The following PPP1R13L variants were observed in gnomAD, a reference collection of about 807,000 sequenced individuals.
PPP1R13L encodes the protein protein phosphatase 1 regulatory subunit 13 like, also known as relA-associated inhibitor.
Under a neutral mutation model 80.9 loss-of-function variants are expected in PPP1R13L, and 50 were observed. That is an observed-to-expected ratio of 0.62 (90% CI 0.49 to 0.78). The LOEUF (loss-of-function observed/expected upper bound fraction) is 0.78, where lower values mean the gene tolerates loss of function less well. PPP1R13L is among the 30% of genes least tolerant of loss of function. The pLI is 0.00. For missense variants in PPP1R13L, 1,200 were observed against 1,205.9 expected, an observed-to-expected ratio of 1.00 and a Z score of 0.07; for synonymous variants, 602 against 534.3, an observed-to-expected ratio of 1.13 and a Z score of -1.75.
rs34092653 is a variant in PPP1R13L, at chr19:45,396,509, C to A, written c.712+36G>T. The A allele has an allele frequency of 2.4e-3, 3,906 of 1,602,798 alleles. 86 individuals are homozygous for A. The African/African-American group carries it at 0.047, about 19-fold the overall frequency. On this transcript the variant is annotated intron_variant, in intron 4 of 12. Transcript: ENST00000360957. This position sits in a 1 kb window ranked among gnomAD's most constrained non-coding sequence, Gnocchi z 5.3. The stretch of plus-strand genomic sequence containing the variant: ...CCGGATCCTGCCCGCTTTGACCCCG[C>A]GAGTCAAAGGCCCCGCGAGGGGCCC...
At position 45,395,811 on chromosome 19, in the gene PPP1R13L, C is replaced by A. The variant is rs200076123; in HGVS notation, c.979G>T (p.Gly327Cys). The A allele has an allele frequency of 1.8e-4, 280 of 1,589,230 alleles. No homozygotes were observed. In the African/African-American group the frequency reaches 3.3e-3, roughly 19 times the overall value. Residue 327 changes from glycine to cysteine, a missense_variant, in exon 7 of 13, where the codon GGC becomes TGC. Physicochemically the swap from Gly to Cys is radical, Grantham distance 159 (BLOSUM62 -3). This residue lies in a region of PPP1R13L where 764 missense variants were observed against 714.5 expected (regional missense o/e 1.07). Transcript: ENST00000360957. ...GAGCCCAGCGAGCGCCGGTAGCTGC[C>A]CGCGTCTGAACGCCGGTCGCTGGCC... The part of the protein sequence containing the change: ...PLASDRRSDA[G>C]SYRRSLGSAG...
In PPP1R13L at chr19:45,396,636, AG is replaced by A; in HGVS notation, c.620del (p.Pro207LeufsTer17). 6.8e-7 allele frequency: 1 copy of A among 1,475,788 alleles called. No individual in the cohort carries two copies. The highest frequency in any genetic ancestry group is 1.4e-5 in the South Asian group (1 of 72,134). The allele number at this position is 1,475,788 out of a possible 1,614,324, so 91.4% of individuals were successfully genotyped here. A position where few individuals can be genotyped will look rare whatever the true frequency, so the allele number is the denominator to read the frequency against. On this transcript the variant is annotated frameshift_variant, in exon 4 of 13. Transcript: ENST00000360957. LOFTEE classifies it high-confidence loss of function. This position sits in a 1 kb window ranked among gnomAD's most constrained non-coding sequence, Gnocchi z 5.3. ...FPERGPSPRP[P>X]ATAYDAPASA... ...ACGCTGGCGCGTCGTAGGCTGTGGC[AG>A]GGGGGCGCGGTGACGGCCCACGCTC...
At chr19:45,382,777 G>A in intron 11 of PPP1R13L, 51 bp from the exon 12 acceptor site, 1 of 1,586,096 alleles carries the variant, frequency 6.3e-7, no homozygotes, top group Non-Finnish European at 8.6e-7. Flanking sequence ...GGGGGTCCAG[G>A]AACAGGGGCC....
At position 45,395,836 on chromosome 19, in the gene PPP1R13L, C is replaced by T. The variant is rs1973077023; in HGVS notation, c.954G>A (p.Leu318=). The T allele has an allele frequency of 3.8e-6, 6 of 1,597,418 alleles. No homozygotes were observed. Among genetic ancestry groups the T allele is most frequent in the African/African-American group, 1.3e-5 (1 of 74,720 alleles). Residue 318 remains leucine, a synonymous_variant, in exon 7 of 13, where the codon CTG becomes CTA. Coordinates refer to ENST00000360957, the MANE Select transcript of PPP1R13L (RefSeq NM_006663.4). The part of the protein sequence containing the change: ...TLPRNYKVSP[L]ASDRRSDAGS... Reference sequence around the variant, plus strand: ...CCGCGTCTGAACGCCGGTCGCTGGCCAGAGGAGAGACCTTGTAATTGCGCG... The same window carrying T: ...CCGCGTCTGAACGCCGGTCGCTGGCTAGAGGAGAGACCTTGTAATTGCGCG...
At chr19:45,397,108 G>A (rs1973121015) in intron 3 of PPP1R13L, 50 bp from the exon 4 acceptor site, 3 of 1,252,582 alleles carry the variant, frequency 2.4e-6, no homozygotes, top group Non-Finnish European at 3.0e-6. Context: ...GACATTAGTG[G>A]AAGGGTTGGT....
At position 45,396,826 on chromosome 19, in the gene PPP1R13L, C is replaced by CA; in HGVS notation, c.430_431insT (p.Arg144LeufsTer111). 1 of 1,470,916 alleles carries CA rather than the reference C, an allele frequency of 6.8e-7. No homozygotes were observed. The highest frequency in any genetic ancestry group is 2.6e-5 in the Admixed American group (1 of 38,758). 91.1% of individuals were successfully genotyped at this position (1,470,916 alleles called of 1,614,324 possible). A position where few individuals can be genotyped will look rare whatever the true frequency, so the allele number is the denominator to read the frequency against. On this transcript the variant is annotated frameshift_variant, in exon 4 of 13. Coordinates refer to ENST00000360957, the MANE Select transcript of PPP1R13L (RefSeq NM_006663.4). LOFTEE classifies it high-confidence loss of function. This position sits in a 1 kb window ranked among gnomAD's most constrained non-coding sequence, Gnocchi z 5.3. ...GGAGCTGCCTGCGCCATCGAAGGCG[C>CA]GGGGCCGGGGCGAGGTCGCGCGGTC...
intron 8 of PPP1R13L, among the ~76,000 whole-genome samples, chr19:45,389,293 C>T (rs1972924527): frequency 6.6e-6 from 1 of 152,090 alleles, no homozygotes. Context: ...TAGGAATAGG[C>T]ATTTTGGGGG....
chr19:45,392,570 T>C (rs1973000190), intron 7 of PPP1R13L: 1 of 637,824 alleles, frequency 1.6e-6, no homozygotes, highest in Non-Finnish European at 2.8e-6. Context: ...GCCTACCTTA[T>C]TGTAATCTCA....
intron 12 of PPP1R13L, among the ~76,000 whole-genome samples, chr19:45,381,095 C>T (rs1329008320): frequency 1.3e-5 from 2 of 149,904 alleles, no homozygotes; most frequent in African/African-American, 4.9e-5. Context: ...TTTATTGTCA[C>T]CCAGGCTGGA....
At chr19:45,399,965 T>C (rs1444147895) in intron 1 of PPP1R13L, among the ~76,000 whole-genome samples, 1 of 151,478 alleles carries the variant, frequency 6.6e-6, no homozygotes. Context: ...AAAAAATTAA[T>C]TGAGGGGCCA....
chr19:45,399,329 G>A (rs975422155), intron 1 of PPP1R13L, among the ~76,000 whole-genome samples: 2 of 147,532 alleles, frequency 1.4e-5, no homozygotes, highest in Admixed American at 6.8e-5. Flanking sequence ...AGTAAATGTA[G>A]TAAAAACAAT....
intron 8 of PPP1R13L, among the ~76,000 whole-genome samples, chr19:45,387,062 A>C (rs1307588304): frequency 6.6e-6 from 1 of 151,922 alleles, no homozygotes; most frequent in African/African-American, 2.4e-5. Flanking sequence ...TGAGCCCAGG[A>C]GTTCGAGAAC....
At chr19:45,394,069 C>G (rs1306834557) in intron 7 of PPP1R13L, among the ~76,000 whole-genome samples, 2 of 152,126 alleles carry the variant, frequency 1.3e-5, no homozygotes, top group South Asian at 2.1e-4. Flanking sequence ...AAGAGAGACT[C>G]CAGCCCATCT....
At position 45,396,602 on chromosome 19, in the gene PPP1R13L, C is replaced by T. The variant is rs777898158; in HGVS notation, c.655G>A (p.Gly219Arg). Residue 219 changes from glycine (G) to arginine (R), a missense_variant, in exon 4 of 13, where the codon GGG (glycine) becomes AGG (arginine). Transcript: ENST00000360957. This position sits in a 1 kb window ranked among gnomAD's most constrained non-coding sequence, Gnocchi z 5.3. Reference protein sequence around the residue: ...TAYDAPASAFGSSLLGSGGSA... With the variant: ...TAYDAPASAFRSSLLGSGGSA... Reference sequence around the variant, plus strand: ...CCGCCGGAGCCTAGCAGGGAGCTCCCGAAGGCGGACGCTGGCGCGTCGTAG... The same window carrying T: ...CCGCCGGAGCCTAGCAGGGAGCTCCTGAAGGCGGACGCTGGCGCGTCGTAG... 1 of 1,494,468 alleles carries T rather than the reference C, an allele frequency of 6.7e-7. No individual in the cohort carries two copies. The highest frequency in any genetic ancestry group is 8.8e-7 in the Non-Finnish European group (1 of 1,130,972). The allele number at this position is 1,494,468 out of a possible 1,614,324, so 92.6% of individuals were successfully genotyped here. A position where few individuals can be genotyped will look rare whatever the true frequency, so the allele number is the denominator to read the frequency against.
intron 8 of PPP1R13L, among the ~76,000 whole-genome samples, chr19:45,389,945 C>T (rs1048548691): frequency 1.9e-4 from 29 of 151,886 alleles, no homozygotes; most frequent in Non-Finnish European, 3.8e-4. Context: ...AGGCGCCCGC[C>T]ACCACCCCCA....
At chr19:45,404,248 G>C (rs1009670969) in intron 1 of PPP1R13L, among the ~76,000 whole-genome samples, 5 of 152,108 alleles carry the variant, frequency 3.3e-5, no homozygotes, top group African/African-American at 1.2e-4. Flanking sequence ...TTCTGCCCTG[G>C]GTTCTAGAAC....
chr19:45,399,469 C>A (rs548898862), intron 1 of PPP1R13L, among the ~76,000 whole-genome samples: 2,399 of 149,446 alleles, frequency 0.016, 34 homozygotes, highest in Middle Eastern at 0.031. Flanking sequence ...CTAAAAATAC[C>A]AAAAATTAGC....
intron 11 of PPP1R13L, 60 bp downstream of exon 11, chr19:45,385,501 CT>C (rs1972846723): frequency 5.4e-6 from 8 of 1,492,706 alleles, no homozygotes; most frequent in Non-Finnish European, 7.2e-6. Flanking sequence ...GGGGTAGTTG[CT>C]CCCCTCCCCG....
chr19:45,383,855 G>A (rs1972814794), intron 11 of PPP1R13L, among the ~76,000 whole-genome samples: 1 of 152,004 alleles, frequency 6.6e-6, no homozygotes, highest in Admixed American at 6.6e-5. Context: ...TCCGCCTCCT[G>A]GGTTCCAGCA....
Sources: gnomAD v4.1 joint callset for allele counts (sites outside exome capture counted in the v4.1 genomes callset) on GRCh38, gnomAD v4.1.1 for gene constraint, gnomAD v4.1.1 regional missense constraint, Gnocchi (gnomAD v3.1) non-coding constraint, MANE v1.5 for transcripts, NCBI Gene and HGNC (gene_info 2026-07-23, HGNC 2026-07-21) for gene names.